LRRC7: variants seen among roughly 807,000 people sequenced by gnomAD.
LRRC7 encodes the protein leucine-rich repeat-containing protein 7.
Under a neutral mutation model 175.7 loss-of-function variants are expected in LRRC7, and 23 were observed. The observed-to-expected ratio is 0.13, with a 90% CI of 0.09 to 0.19. The LOEUF (loss-of-function observed/expected upper bound fraction) is 0.19. Among genes scored for constraint, LRRC7 ranks in the 10% least tolerant of loss-of-function variants. LRRC7 has a pLI of 1.00. For synonymous variants in LRRC7, 685 were observed against 680.9 expected, an observed-to-expected ratio of 1.01 and a Z score of -0.09; for missense variants, 1,354 against 1,904.7, an observed-to-expected ratio of 0.71 and a Z score of 5.38.
chr1:69,633,069 T>A (rs1380527503), intron 1 of LRRC7, among the ~76,000 whole-genome samples: 2 of 152,014 alleles, frequency 1.3e-5, no homozygotes, highest in East Asian at 3.9e-4. Context: ...AATATCTGAG[T>A]AATATTTTTA....
chr1:69,847,852 T>C (rs536424913), intron 7 of LRRC7, among the ~76,000 whole-genome samples: 1 of 152,128 alleles, frequency 6.6e-6, no homozygotes, highest in Non-Finnish European at 1.5e-5. Flanking sequence ...CCAAGGCACA[T>C]GTCAATTTGA....
chr1:70,110,776 T>C (rs1266354267), intron 26 of LRRC7, among the ~76,000 whole-genome samples: 4 of 152,232 alleles, frequency 2.6e-5, no homozygotes, highest in African/African-American at 9.6e-5. Flanking sequence ...TCAGTCATAC[T>C]AATTAAAAAG....
At chr1:69,921,706 C>T (rs1248335521) in intron 7 of LRRC7, among the ~76,000 whole-genome samples, 1 of 152,170 alleles carries the variant, frequency 6.6e-6, no homozygotes, top group African/African-American at 2.4e-5. Context: ...TCCCCATTGC[C>T]CACATCATTC....
intron 25 of LRRC7, among the ~76,000 whole-genome samples, chr1:70,100,313 T>G (rs1352631528): frequency 2.6e-5 from 4 of 152,176 alleles, no homozygotes; most frequent in African/African-American, 4.8e-5. Context: ...TGCTTATTTT[T>G]GGTTGCTTTT....
At chr1:69,850,508 G>A (rs866172224) in intron 7 of LRRC7, among the ~76,000 whole-genome samples, 1 of 152,050 alleles carries the variant, frequency 6.6e-6, no homozygotes, top group African/African-American at 2.4e-5. Context: ...ACTGAAAAAC[G>A]GACACCAATC....
chr1:70,052,494 T>A (rs777753720), intron 22 of LRRC7, among the ~76,000 whole-genome samples: 95 of 152,240 alleles, frequency 6.2e-4, no homozygotes, highest in Non-Finnish European at 2.2e-4. Flanking sequence ...TATTTGTTGA[T>A]AACGCCATAG....
intron 1 of LRRC7, among the ~76,000 whole-genome samples, chr1:69,654,921 TC>T (rs1436987072): frequency 6.6e-6 from 1 of 152,146 alleles, no homozygotes; most frequent in East Asian, 1.9e-4. Flanking sequence ...AATTATCCAT[TC>T]CAAATATGTT....
chr1:69,617,196 C>T (rs1460726654), intron 1 of LRRC7, among the ~76,000 whole-genome samples: 1 of 152,004 alleles, frequency 6.6e-6, no homozygotes, highest in Admixed American at 6.6e-5. Flanking sequence ...AATTGAATGG[C>T]TGTGCAAATT....
intron 25 of LRRC7, among the ~76,000 whole-genome samples, chr1:70,101,237 T>C (rs888889401): frequency 5.9e-5 from 9 of 152,176 alleles, no homozygotes; most frequent in African/African-American, 2.2e-4. Flanking sequence ...ACTTCCATAG[T>C]TATATGAAAG....
intron 18 of LRRC7, among the ~76,000 whole-genome samples, chr1:70,033,845 C>T (rs966779327): frequency 1.3e-5 from 2 of 152,032 alleles, no homozygotes; most frequent in African/African-American, 4.8e-5. Flanking sequence ...TTTTGTGTTT[C>T]TATTCTATTT....
chr1:69,717,302 AC>A (rs1399014303), intron 2 of LRRC7, among the ~76,000 whole-genome samples: 1 of 151,766 alleles, frequency 6.6e-6, no homozygotes, highest in African/African-American at 2.4e-5. Context: ...GCTTAGCAGT[AC>A]AGATTCAAAA....
At chr1:69,956,951 T>C (rs1650558495) in intron 8 of LRRC7, among the ~76,000 whole-genome samples, 1 of 151,762 alleles carries the variant, frequency 6.6e-6, no homozygotes, top group Non-Finnish European at 1.5e-5. Context: ...AGGATAAGTA[T>C]AAGCATTCTT....
At chr1:70,009,937 C>A (rs1656347998) in intron 11 of LRRC7, among the ~76,000 whole-genome samples, 1 of 152,114 alleles carries the variant, frequency 6.6e-6, no homozygotes, top group South Asian at 2.1e-4. Context: ...TCATCCCACC[C>A]TCTCTATAAT....
At chr1:70,001,205 C>G (rs924222725) in intron 11 of LRRC7, among the ~76,000 whole-genome samples, 4 of 151,956 alleles carry the variant, frequency 2.6e-5, no homozygotes, top group African/African-American at 9.7e-5. Flanking sequence ...ATCAGAACAA[C>G]TATATAGAAA....
intron 2 of LRRC7, among the ~76,000 whole-genome samples, chr1:69,736,356 A>G (rs902313795): frequency 1.3e-5 from 2 of 152,166 alleles, no homozygotes; most frequent in African/African-American, 4.8e-5. Flanking sequence ...CTTAGAAAAC[A>G]AGGAATATTA....
chr1:69,570,076 G>T (rs2100870435), intron 1 of LRRC7, among the ~76,000 whole-genome samples: 1 of 152,236 alleles, frequency 6.6e-6, no homozygotes, highest in African/African-American at 2.4e-5. Context: ...ATGTCGAAAT[G>T]TGGCTCTCCT....
chr1:70,076,434 G>A, intron 24 of LRRC7, 136 bp downstream of exon 24: 1 of 713,392 alleles, frequency 1.4e-6, no homozygotes, highest in Admixed American at 2.8e-5. Flanking sequence ...CCCTCTTTGT[G>A]GGGATTTTAT....
At chr1:69,765,867 G>A (rs1671569878) in intron 3 of LRRC7, among the ~76,000 whole-genome samples, 1 of 152,040 alleles carries the variant, frequency 6.6e-6, no homozygotes, top group Non-Finnish European at 1.5e-5. Flanking sequence ...ACAGATTGCA[G>A]TTGTTAGCTT....
chr1:69,830,331 T>G (rs1680385790), intron 5 of LRRC7, among the ~76,000 whole-genome samples: 1 of 151,844 alleles, frequency 6.6e-6, no homozygotes. Context: ...TTTACTATTC[T>G]TGATTTGGCA....
Sources: allele counts gnomAD v4.1 joint callset (sites outside exome capture counted in the v4.1 genomes callset), GRCh38; gene constraint gnomAD v4.1.1; transcripts MANE v1.5; gene names NCBI Gene and HGNC (gene_info 2026-07-23, HGNC 2026-07-21).